The following PEX5 variants were observed in gnomAD, a reference collection of about 807,000 sequenced individuals.
The protein encoded by PEX5 is peroxisomal biogenesis factor 5, also known as PTS1 receptor.
In PEX5, 52 loss-of-function variants were observed where a neutral mutation model predicts 82.9. The observed-to-expected ratio is 0.63, with a 90% confidence interval of 0.50 to 0.79. The LOEUF (loss-of-function observed/expected upper bound fraction) is 0.79. Among genes scored for constraint, PEX5 ranks in the 30% least tolerant of loss-of-function variants. PEX5 has a pLI of 0.00. For missense variants in PEX5, 719 were observed against 815.2 expected, an observed-to-expected ratio of 0.88 and a Z score of 1.44; for synonymous variants, 300 against 318.8, an observed-to-expected ratio of 0.94 and a Z score of 0.63.
intron 2 of PEX5, 130 bp from the exon 3 acceptor site, chr12:7,190,758 C>T (rs373293345): frequency 3.6e-5 from 47 of 1,295,584 alleles, no homozygotes; most frequent in Non-Finnish European, 5.2e-5. Context: ...CACTAGAAAA[C>T]CCTGTGCACC....
At position 7,210,285 on chromosome 12, in the gene PEX5, C is replaced by T; in HGVS notation, c.*62C>T. 1 of 1,526,378 alleles carries T rather than the reference C, an allele frequency of 6.6e-7. No individual in the cohort carries two copies. Among genetic ancestry groups the T allele is most frequent in the Non-Finnish European group, 9.1e-7 (1 of 1,104,364 alleles). 94.6% of individuals were successfully genotyped at this position (1,526,378 alleles called of 1,614,324 possible). A position where few individuals can be genotyped will look rare whatever the true frequency, so the allele number is the denominator to read the frequency against. ...GGGATCCCCGCTTTGGATGTGATTC[C>T]CTCTCCCCAAATGGGCCTACCAAGG... On this transcript the variant is annotated 3_prime_UTR_variant, in exon 16 of 16. Transcript: ENST00000675855.
chr12:7,191,180 G>A (rs769357348), intron 3 of PEX5, 46 bp from the exon 4 acceptor site: 2 of 1,613,448 alleles, frequency 1.2e-6, no homozygotes, highest in Non-Finnish European at 8.5e-7. Flanking sequence ...CTCTTGCTGG[G>A]GCCTCCCAAG....
At chr12:7,207,266 T>C (rs759499007) in intron 10 of PEX5, among the ~76,000 whole-genome samples, 1 of 152,200 alleles carries the variant, frequency 6.6e-6, no homozygotes, top group South Asian at 2.1e-4. Context: ...TATTGAAGGA[T>C]AACAAGAAAT....
In PEX5 at chr12:7,189,815, C is replaced by G. The variant is rs1437620977; in HGVS notation, c.-17+65C>G. ...TGGGCCCTCCCCACCCTTGCGGTGG[C>G]CTCGCGGGTCCCAGGGGCGGGGCTG... On this transcript the variant is annotated intron_variant, in intron 1 of 15. Coordinates refer to ENST00000675855, the MANE Select transcript of PEX5 (RefSeq NM_001351132.2). The G allele has an allele frequency of 2.2e-6, 2 of 904,940 alleles. No individual in the cohort carries two copies. The highest frequency in any genetic ancestry group is 3.0e-6 in the Non-Finnish European group (2 of 663,878). 56.1% of individuals were successfully genotyped at this position (904,940 alleles called of 1,614,324 possible).
At chr12:7,196,088 C>T (rs1213406537) in intron 5 of PEX5, among the ~76,000 whole-genome samples, 1 of 136,864 alleles carries the variant, frequency 7.3e-6, no homozygotes. Context: ...TAATGTATTT[C>T]TTATGTTATA....
chr12:7,208,625 AG>A lies in PEX5; in HGVS notation c.1352del (p.Gly451AspfsTer21). 6.2e-7 allele frequency: 1 copy of A among 1,614,044 alleles called. No individual in the cohort carries two copies. The highest frequency in any genetic ancestry group is 8.5e-7 in the Non-Finnish European group (1 of 1,179,970). ...CTGCTGAAGAAGGGGCTGGTGGGGC[AG>A]GACTGGGCCCCAGCAAGCGTATCCT... ...TPAEEGAGGA[G>X]LGPSKRILGS... is the part of the protein sequence containing the mutation. On this transcript the variant is annotated frameshift_variant, in exon 13 of 16. Transcript: ENST00000675855. LOFTEE classifies it high-confidence loss of function.
chr12:7,212,555 T>C (rs1945650388), downstream of PEX5, among the ~76,000 whole-genome samples: 2 of 149,308 alleles, frequency 1.3e-5, no homozygotes, highest in South Asian at 2.1e-4. Context: ...CAGTGAAATA[T>C]AGCTATTGCT....
Position 7,208,570 on chromosome 12 carries a change from A to G in PEX5, c.1295A>G (p.Tyr432Cys), listed in dbSNP as rs1360086950. The G allele has an allele frequency of 1.9e-6, 3 of 1,613,800 alleles. No homozygotes were observed. Among genetic ancestry groups the G allele is most frequent in the Admixed American group, 3.3e-5 (2 of 60,026 alleles). ...ACETLRDWLR[Y>C]TPAYAHLVTP... ...GAAACCCTACGAGACTGGCTGCGGTACACACCAGCCTATGCCCATCTGGTG... is the reference window on the plus strand; with the variant it reads ...GAAACCCTACGAGACTGGCTGCGGTGCACACCAGCCTATGCCCATCTGGTG... The change falls in exon 13 of 16, where the codon TAC (tyrosine) becomes TGC (cysteine). Residue 432 changes from tyrosine to cysteine, a missense_variant. By Grantham distance (194) the Tyr-to-Cys change is radical. Coordinates refer to ENST00000675855, the MANE Select transcript of PEX5 (RefSeq NM_001351132.2).
At chr12:7,199,349 C>T (rs549384943) in intron 6 of PEX5, among the ~76,000 whole-genome samples, 328 of 151,016 alleles carry the variant, frequency 2.2e-3, no homozygotes, top group Admixed American at 2.9e-3. Flanking sequence ...GAGGACCCTG[C>T]GGCCTTCCGC....
intron 11 of PEX5, 92 bp from the exon 12 acceptor site, chr12:7,207,918 C>A: frequency 2.0e-6 from 3 of 1,512,380 alleles, no homozygotes; most frequent in Non-Finnish European, 2.8e-6. Context: ...AGGATAGGGG[C>A]TTGAGAGCGA....
Position 7,207,772 on chromosome 12 carries a change from A to G in PEX5, c.1080A>G (p.Ala360=), listed in dbSNP as rs776221090. 2 of 1,614,152 alleles carry G rather than the reference A, an allele frequency of 1.2e-6. No homozygotes were observed. The highest frequency in any genetic ancestry group is 4.5e-5 in the East Asian group (2 of 44,872). The change falls in exon 11 of 16, where the codon GCA becomes GCG. Residue 360 remains alanine (A), a synonymous_variant. Transcript: ENST00000675855. ...DLPNAVLLFE[A]AVQQDPKHME... Reference sequence around the variant, plus strand: ...CAAATGCTGTGCTGCTTTTTGAGGCAGCTGTGCAGCAGGATCCTAAGCACA... The same window carrying G: ...CAAATGCTGTGCTGCTTTTTGAGGCGGCTGTGCAGCAGGATCCTAAGCACA...
chr12:7,198,868 C>G (rs1943209837), intron 5 of PEX5, 143 bp from the exon 6 acceptor site: 1 of 612,444 alleles, frequency 1.6e-6, no homozygotes, highest in Admixed American at 2.2e-5. Context: ...TTCTTTTGAC[C>G]AGGGGTTTCT....
chr12:7,200,717 G>A (rs1326697843), intron 6 of PEX5, among the ~76,000 whole-genome samples: 11 of 152,132 alleles, frequency 7.2e-5, no homozygotes, highest in African/African-American at 1.9e-4. Context: ...GCGAAACCCC[G>A]TCTCCACCAA....
chr12:7,202,529 G>T, intron 8 of PEX5, 83 bp from the exon 9 acceptor site: 1 of 1,399,760 alleles, frequency 7.1e-7, no homozygotes, highest in Non-Finnish European at 1.0e-6. Flanking sequence ...TACCCAGGTT[G>T]GTGGTGGTTA....
chr12:7,190,956 T>C (rs753125577), intron 3 of PEX5, 33 bp downstream of exon 3: 3 of 1,599,710 alleles, frequency 1.9e-6, no homozygotes, highest in African/African-American at 1.3e-5. Flanking sequence ...TGTCCCATTT[T>C]TCTCTTGCCC....
rs774656931 is a variant in PEX5 at position 7,201,740 on chromosome 12, AC to A, written c.552-8del. ...AGACTAATGTGTAAAATTAGTTCTT[AC>A]CCGTTCCAGGTATGATGAATATCAT... On this transcript the variant is annotated splice_polypyrimidine_tract_variant and intron_variant, in intron 6 of 15. Transcript: ENST00000675855. 4 of 1,601,746 alleles carry A rather than the reference AC, an allele frequency of 2.5e-6. No individual in the cohort carries two copies. The highest frequency in any genetic ancestry group is 1.7e-5 in the Admixed American group (1 of 60,004).
chr12:7,190,875 C>T lies in PEX5; in HGVS notation c.148-13C>T. The T allele has an allele frequency of 1.2e-6, 2 of 1,612,448 alleles. No homozygotes were observed. Among genetic ancestry groups the T allele is most frequent in the African/African-American group, 1.3e-5 (1 of 75,004 alleles). On this transcript the variant is annotated splice_polypyrimidine_tract_variant and intron_variant, in intron 2 of 15. Coordinates refer to ENST00000675855, the MANE Select transcript of PEX5 (RefSeq NM_001351132.2). ...GAACTGCGTCATTGTACATCTCTGT[C>T]TTTCTCTCTTAGGCCTCCAAGCCTT... is the stretch of plus-strand genomic sequence containing the variant.
intron 7 of PEX5, 111 bp downstream of exon 7, chr12:7,201,952 C>A: frequency 1.2e-6 from 1 of 814,524 alleles, no homozygotes; most frequent in South Asian, 1.4e-5. Context: ...GATCTTAGGT[C>A]TCTTCGTTCC....
intron 10 of PEX5, among the ~76,000 whole-genome samples, chr12:7,205,328 T>C (rs778706143): frequency 3.3e-5 from 5 of 152,224 alleles, no homozygotes; most frequent in Admixed American, 2.0e-4. Context: ...TAAGCTAATA[T>C]TGAATTCCAT....
Sources: gnomAD v4.1 joint callset for allele counts (sites outside exome capture counted in the v4.1 genomes callset) on GRCh38, gnomAD v4.1.1 for gene constraint, MANE v1.5 for transcripts, NCBI Gene and HGNC (gene_info 2026-07-23, HGNC 2026-07-21) for gene names.